PTPRO: variants seen among roughly 807,000 people sequenced by gnomAD.
The protein encoded by PTPRO is protein tyrosine phosphatase receptor type O, also known as receptor-type tyrosine-protein phosphatase O.
A neutral mutation model predicts 145.2 loss-of-function variants in PTPRO; 62 were observed. That is an observed-to-expected ratio of 0.43 (90% CI 0.35 to 0.53). PTPRO has a LOEUF of 0.53. Ranked by LOEUF, PTPRO falls within the 20% of genes least tolerant of loss-of-function variation. The probability of loss-of-function intolerance (pLI) is 0.01; values close to 1 mark genes in which losing one functional copy is unlikely to be tolerated. For synonymous variants in PTPRO, 565 were observed against 514.7 expected, an observed-to-expected ratio of 1.10 and a Z score of -1.32; for missense variants, 1,345 against 1,482.7, an observed-to-expected ratio of 0.91 and a Z score of 1.53.
Position 15,349,707 on chromosome 12 carries a change from A to G in PTPRO, c.75+26906A>G, listed in dbSNP as rs147265975. ...AAAAAGCTAACAAAAGTAGGATTCA[A>G]ACCCAGTTGTTAATCACATTAAAGC... On this transcript the variant is annotated intron_variant, in intron 1 of 26. Coordinates refer to ENST00000281171, the MANE Select transcript of PTPRO (RefSeq NM_030667.3). Among the ~76,000 whole-genome samples, 758 of 152,334 alleles carry G rather than the reference A, an allele frequency of 5.0e-3. 5 individuals are homozygous for G. The highest frequency in any genetic ancestry group is 8.2e-3 in the Non-Finnish European group (558 of 68,024).
intron 1 of PTPRO, among the ~76,000 whole-genome samples, chr12:15,434,374 G>A (rs1421460454): frequency 6.6e-6 from 1 of 152,074 alleles, no homozygotes; most frequent in Non-Finnish European, 1.5e-5. Flanking sequence ...AACTCATTTG[G>A]GTGGCATGTT....
At chr12:15,578,998 C>G in intron 20 of PTPRO, 55 bp downstream of exon 20, 1 of 1,421,244 alleles carries the variant, frequency 7.0e-7, no homozygotes, top group African/African-American at 1.4e-5. Context: ...GAAGGACTGT[C>G]ATTGCAGATT....
At chr12:15,508,343 CT>C (rs1466458135) in intron 6 of PTPRO, among the ~76,000 whole-genome samples, 1 of 152,146 alleles carries the variant, frequency 6.6e-6, no homozygotes, top group African/African-American at 2.4e-5. Context: ...TGAAGTGGCA[CT>C]TTTGTTTCTG....
At chr12:15,476,287 G>A (rs1428600376) in intron 1 of PTPRO, among the ~76,000 whole-genome samples, 3 of 152,050 alleles carry the variant, frequency 2.0e-5, no homozygotes, top group Admixed American at 1.3e-4. Context: ...GCTTGATCCC[G>A]GCAATGCATT....
intron 1 of PTPRO, among the ~76,000 whole-genome samples, chr12:15,431,365 T>A (rs1244043611): frequency 6.6e-6 from 1 of 152,202 alleles, no homozygotes; most frequent in East Asian, 1.9e-4. Context: ...TCAAAAATTA[T>A]ACCTTTTGGA....
chr12:15,557,176 G>T (rs1943653744), intron 15 of PTPRO, among the ~76,000 whole-genome samples: 1 of 152,086 alleles, frequency 6.6e-6, no homozygotes, highest in South Asian at 2.1e-4. Context: ...GAGTAGCTGG[G>T]ATTACAGGCA....
chr12:15,450,843 A>G (rs1414208452), intron 1 of PTPRO, among the ~76,000 whole-genome samples: 1 of 152,130 alleles, frequency 6.6e-6, no homozygotes, highest in African/African-American at 2.4e-5. Flanking sequence ...GGAGCTCTAA[A>G]TCTTGAAACA....
chr12:15,526,275 C>T lies in PTPRO; in HGVS notation c.2164+13C>T. 1 of 1,613,218 alleles carries T rather than the reference C, an allele frequency of 6.2e-7. No individual in the cohort carries two copies. The highest frequency in any genetic ancestry group is 1.3e-5 in the African/African-American group (1 of 74,986). Reference sequence around the variant, plus strand: ...CTTGTCAAGCTAGGTAAGAAGAGTGCACAGAGATGGGTGTGAAATAATCAC... The same window carrying T: ...CTTGTCAAGCTAGGTAAGAAGAGTGTACAGAGATGGGTGTGAAATAATCAC... On this transcript the variant is annotated intron_variant, in intron 12 of 26. Coordinates refer to ENST00000281171, the MANE Select transcript of PTPRO (RefSeq NM_030667.3).
chr12:15,494,498 C>T (rs1942061478), intron 2 of PTPRO, among the ~76,000 whole-genome samples: 1 of 152,144 alleles, frequency 6.6e-6, no homozygotes. Context: ...TATTTTTAGA[C>T]TATACGTTTG....
At chr12:15,409,517 CCTGT>C (rs1400924399) in intron 1 of PTPRO, among the ~76,000 whole-genome samples, 17 of 152,072 alleles carry the variant, frequency 1.1e-4, no homozygotes, top group Admixed American at 4.6e-4. Flanking sequence ...TGTTTCTCTC[CCTGT>C]CTATTAGGCT....
intron 4 of PTPRO, among the ~76,000 whole-genome samples, chr12:15,499,827 GCTACTATACT>G (rs1485145462): frequency 1.3e-5 from 2 of 151,968 alleles, no homozygotes; most frequent in Admixed American, 6.6e-5. Context: ...TGAATAAAAA[GCTACTATACT>G]ATTACCAAAG....
intron 1 of PTPRO, among the ~76,000 whole-genome samples, chr12:15,439,135 A>G (rs182014285): frequency 1.3e-5 from 2 of 152,350 alleles, no homozygotes; most frequent in Admixed American, 1.3e-4. Flanking sequence ...GCATTCTTAA[A>G]GAAAAGAAAT....
chr12:15,381,759 T>G (rs570932434), intron 1 of PTPRO, among the ~76,000 whole-genome samples: 10 of 152,276 alleles, frequency 6.6e-5, no homozygotes, highest in African/African-American at 2.4e-4. Context: ...ATGTGTTTAA[T>G]TCCCTGCTCC....
At chr12:15,572,029 T>C (rs1159354389) in intron 19 of PTPRO, among the ~76,000 whole-genome samples, 1 of 152,252 alleles carries the variant, frequency 6.6e-6, no homozygotes, top group Non-Finnish European at 1.5e-5. Flanking sequence ...ATAGGATTTA[T>C]AAGAAATGTG....
At chr12:15,433,299 C>T (rs770429676) in intron 1 of PTPRO, among the ~76,000 whole-genome samples, 5 of 151,862 alleles carry the variant, frequency 3.3e-5, no homozygotes, top group African/African-American at 7.3e-5. Flanking sequence ...CCTCAGCCTC[C>T]TGAGTAGCTG....
intron 2 of PTPRO, 64 bp from the exon 3 acceptor site, chr12:15,497,181 T>C: frequency 7.1e-7 from 1 of 1,409,362 alleles, no homozygotes; most frequent in Non-Finnish European, 1.0e-6. Context: ...TTAATTCAAG[T>C]ATTGATATCG....
At chr12:15,352,223 G>A (rs1444994217) in intron 1 of PTPRO, among the ~76,000 whole-genome samples, 5 of 152,104 alleles carry the variant, frequency 3.3e-5, no homozygotes, top group South Asian at 4.1e-4. Context: ...TCATTACATC[G>A]GTTCTGCCCA....
intron 12 of PTPRO, among the ~76,000 whole-genome samples, chr12:15,542,819 C>A (rs1943206332): frequency 6.6e-6 from 1 of 152,148 alleles, no homozygotes; most frequent in African/African-American, 2.4e-5. Flanking sequence ...ACATTTGCAA[C>A]ACCTCTCAAT....
At chr12:15,510,546 C>T (rs1942416576) in intron 7 of PTPRO, among the ~76,000 whole-genome samples, 1 of 152,078 alleles carries the variant, frequency 6.6e-6, no homozygotes, top group Non-Finnish European at 1.5e-5. Flanking sequence ...ATCAATGAGC[C>T]AGAAAAGACT....
Sources: gnomAD v4.1 joint callset for allele counts (sites outside exome capture counted in the v4.1 genomes callset) on GRCh38, gnomAD v4.1.1 for gene constraint, MANE v1.5 for transcripts, NCBI Gene and HGNC (gene_info 2026-07-23, HGNC 2026-07-21) for gene names.